The following KIF21A variants were observed in gnomAD, a reference collection of about 807,000 sequenced individuals.
KIF21A encodes kinesin-like protein KIF21A.
In KIF21A, 114 loss-of-function variants were observed where a neutral mutation model predicts 202.9. The ratio of observed to expected loss-of-function variants is 0.56; its 90% CI spans 0.48 to 0.66. The LOEUF is 0.66. Ranked by LOEUF, KIF21A falls within the 30% of genes least tolerant of loss-of-function variation. The probability of loss-of-function intolerance (pLI) is 0.00; values close to 1 mark genes in which losing one functional copy is unlikely to be tolerated. For missense variants in KIF21A, 1,677 were observed against 1,994.9 expected, an observed-to-expected ratio of 0.84 and a Z score of 3.04; for synonymous variants, 667 against 670.8, an observed-to-expected ratio of 0.99 and a Z score of 0.09.
At chr12:39,383,260 T>C (rs143208566) in intron 1 of KIF21A, among the ~76,000 whole-genome samples, 68 of 152,352 alleles carry the variant, frequency 4.5e-4, no homozygotes, top group Non-Finnish European at 8.5e-4. Flanking sequence ...GGAACTACAT[T>C]TGTACATTCT....
chr12:39,368,017 C>A lies in KIF21A; in HGVS notation c.466G>T (p.Val156Phe). 6.3e-7 allele frequency: 1 copy of A among 1,591,216 alleles called. No individual in the cohort carries two copies. The highest frequency in any genetic ancestry group is 8.6e-7 in the Non-Finnish European group (1 of 1,161,104). Residue 156 changes from valine (V) to phenylalanine (F), a missense_variant, in exon 4 of 38, where the codon GTC (valine) becomes TTC (phenylalanine). By Grantham distance (50) the Val-to-Phe change is conservative. Transcript: ENST00000361418. ...AQFLELYNEE[V>F]LDLFDTTRDI... ...CGAGTGGTATCAAATAAGTCAAGGA[C>A]CTCTTCATTATAGAGCTATCAAAAA...
chr12:39,377,403 C>T (rs1950336481), intron 1 of KIF21A, among the ~76,000 whole-genome samples: 2 of 152,158 alleles, frequency 1.3e-5, no homozygotes, highest in Non-Finnish European at 2.9e-5. Flanking sequence ...AACTGAGCCA[C>T]TGGGGTTTCT....
At chr12:39,388,529 C>A (rs1298683356) in intron 1 of KIF21A, among the ~76,000 whole-genome samples, 1 of 152,156 alleles carries the variant, frequency 6.6e-6, no homozygotes, top group African/African-American at 2.4e-5. Flanking sequence ...CACATTATAT[C>A]AATATCCTAG....
In KIF21A at chr12:39,294,076, C is replaced by T. The variant is rs1457193311; in HGVS notation, c.*348G>A. 8.2e-6 allele frequency: 2 copies of T among 242,818 alleles called. No homozygotes were observed. The highest frequency in any genetic ancestry group is 1.1e-4 in the East Asian group (1 of 9,022). The allele number at this position is 242,818 out of a possible 1,614,324, so 15.0% of individuals were successfully genotyped here. On this transcript the variant is annotated 3_prime_UTR_variant, in exon 38 of 38. Transcript: ENST00000361418. The stretch of plus-strand genomic sequence containing the variant: ...TGAATGAGTTAATGGTGGGCTGCAT[C>T]GTATTCCAGGTGTGTTTTCTGACTG...
At chr12:39,294,569 A>T (rs1205951679) in intron 37 of KIF21A, 52 bp from the exon 38 acceptor site, 10 of 1,303,964 alleles carry the variant, frequency 7.7e-6, no homozygotes, top group Middle Eastern at 3.7e-4. Context: ...AGAAAGATAA[A>T]GAAATAGCTC....
intron 1 of KIF21A, among the ~76,000 whole-genome samples, chr12:39,441,675 A>AAAAAAAAAAAAAAAAAAAAAAAAAC (rs1258635406): frequency 6.7e-6 from 1 of 148,336 alleles, no homozygotes; most frequent in Non-Finnish European, 1.5e-5. Context: ...AAAAAAAAAA[A>AAAAAAAAAAAAAAAAAAAAAAAAAC]AAAAACACTT....
In KIF21A at chr12:39,332,588, C is replaced by T. The variant is rs1247064914; in HGVS notation, c.2856+3G>A. On this transcript the variant is annotated splice_donor_region_variant and intron_variant, in intron 20 of 37. Coordinates refer to ENST00000361418, the MANE Select transcript of KIF21A (RefSeq NM_001173464.2). ...GAGCGTATCTACTCTCTATTTTCCA[C>T]ACCTTGAGGAGTCTATTCATATCTG... is the stretch of plus-strand genomic sequence containing the variant. 6.2e-7 allele frequency: 1 copy of T among 1,610,362 alleles called. No individual in the cohort carries two copies. The highest frequency in any genetic ancestry group is 1.7e-5 in the Admixed American group (1 of 59,502).
At chr12:39,323,960 A>C (rs1945569208) in intron 26 of KIF21A, among the ~76,000 whole-genome samples, 1 of 152,052 alleles carries the variant, frequency 6.6e-6, no homozygotes, top group Admixed American at 6.5e-5. Context: ...AATACAAAAA[A>C]TTAGCTGGGC....
In KIF21A at chr12:39,301,898, T is replaced by C. The variant is rs145071079; in HGVS notation, c.4732-219A>G. Among the ~76,000 whole-genome samples the C allele has an allele frequency of 1.5e-3, 232 of 152,346 alleles. 2 individuals are homozygous for C. Among genetic ancestry groups the C allele is most frequent in the African/African-American group, 5.4e-3 (223 of 41,586 alleles). ...CTAATTTTCATCACTGTTATCAGCA[T>C]ATAAGGGCTATAATCTACAGAATGT... On this transcript the variant is annotated intron_variant, in intron 36 of 37. Transcript: ENST00000361418.
At chr12:39,330,522 A>G (rs1473382910) in intron 23 of KIF21A, among the ~76,000 whole-genome samples, 2 of 152,250 alleles carry the variant, frequency 1.3e-5, no homozygotes. Context: ...TAATTGCTCA[A>G]TAAGGTTAAG....
intron 1 of KIF21A, among the ~76,000 whole-genome samples, chr12:39,407,002 T>C (rs147023040): frequency 1.9e-4 from 29 of 152,324 alleles, no homozygotes; most frequent in African/African-American, 6.5e-4. Flanking sequence ...GCTTTCAATA[T>C]TGTTAAAATG....
chr12:39,366,091 A>G (rs1017630366), intron 6 of KIF21A, among the ~76,000 whole-genome samples: 1 of 152,222 alleles, frequency 6.6e-6, no homozygotes, highest in Non-Finnish European at 1.5e-5. Context: ...AATAATTTGT[A>G]TATCTATAAT....
intron 1 of KIF21A, among the ~76,000 whole-genome samples, chr12:39,398,498 G>T (rs779188779): frequency 6.6e-6 from 1 of 152,136 alleles, no homozygotes; most frequent in Non-Finnish European, 1.5e-5. Context: ...CTACTCAGGA[G>T]GGTGAGGCAG....
At chr12:39,441,680 A>AAAAAAAAAAAAAAAAAAC (rs71075060) in intron 1 of KIF21A, among the ~76,000 whole-genome samples, 1 of 148,280 alleles carries the variant, frequency 6.7e-6, no homozygotes, top group Non-Finnish European at 1.5e-5. Context: ...AAAAAAAAAA[A>AAAAAAAAAAAAAAAAAAC]CACTTAAAAA....
chr12:39,351,964 T>C lies in KIF21A; in HGVS notation c.1486A>G (p.Ser496Gly). ...IEDLRAKLLE[S>G]EAVNENLRKN... ...CGAAGGTTCTCATTCACTGCTTCAC[T>C]TTCTAATAATTTTGCCCTAGCAAAT... is the stretch of plus-strand genomic sequence containing the variant. The change falls in exon 11 of 38, where the codon AGT becomes GGT. Residue 496 changes from serine to glycine, a missense_variant. Physicochemically the swap from Ser to Gly is moderately conservative, Grantham distance 56. Coordinates refer to ENST00000361418, the MANE Select transcript of KIF21A (RefSeq NM_001173464.2). The C allele has an allele frequency of 6.2e-7, 1 of 1,612,842 alleles. No individual in the cohort carries two copies.
intron 37 of KIF21A, among the ~76,000 whole-genome samples, chr12:39,295,427 G>A (rs1942210526): frequency 6.6e-6 from 1 of 152,024 alleles, no homozygotes. Flanking sequence ...TAGTTAAAAT[G>A]CACTTCAGAG....
chr12:39,396,180 AT>A (rs1951743090), intron 1 of KIF21A, among the ~76,000 whole-genome samples: 1 of 152,164 alleles, frequency 6.6e-6, no homozygotes, highest in Non-Finnish European at 1.5e-5. Flanking sequence ...ACCCACATAT[AT>A]CCCATACCAA....
At chr12:39,396,002 A>T (rs1346051589) in intron 1 of KIF21A, among the ~76,000 whole-genome samples, 3 of 151,970 alleles carry the variant, frequency 2.0e-5, no homozygotes, top group Non-Finnish European at 4.4e-5. Flanking sequence ...ATCTTGAAAC[A>T]AACCAGGCAC....
chr12:39,319,865 A>G, intron 28 of KIF21A, 41 bp downstream of exon 28: 1 of 1,145,002 alleles, frequency 8.7e-7, no homozygotes, highest in Non-Finnish European at 1.3e-6. Context: ...TGCAGCAGGC[A>G]TTTAATACAG....
Sources: gnomAD v4.1 joint callset for allele counts (sites outside exome capture counted in the v4.1 genomes callset) on GRCh38, gnomAD v4.1.1 for gene constraint, MANE v1.5 for transcripts, NCBI Gene and HGNC (gene_info 2026-07-23, HGNC 2026-07-21) for gene names.